Variants in HGF observed in about 807,000 individuals in gnomAD.
The protein encoded by HGF is hepatocyte growth factor.
Under a neutral mutation model 111.6 loss-of-function variants are expected in HGF, and 39 were observed. That is an observed-to-expected ratio of 0.35 (90% CI 0.27 to 0.46). The LOEUF (loss-of-function observed/expected upper bound fraction) is 0.46. Among genes scored for constraint, HGF ranks in the 20% least tolerant of loss-of-function variants. The pLI is 1.00. For missense variants in HGF, 735 were observed against 910.5 expected (o/e 0.81, Z 2.48); for synonymous variants, 285 against 294.8 (o/e 0.97, Z 0.34).
At chr7:81,722,813 C>CA (rs552915726) in intron 9 of HGF, among the ~76,000 whole-genome samples, 63,465 of 91,002 alleles carry the variant, frequency 0.7, 21,261 homozygotes, top group South Asian at 0.76. Flanking sequence ...GATTCTGTCT[C>CA]AAAAAAAAAA....
chr7:81,755,285 C>A (rs1788705665), intron 4 of HGF: 1 of 152,078 alleles, frequency 6.6e-6, no homozygotes, highest in African/African-American at 2.4e-5. Context: ...AAACATATTT[C>A]TTTTTCTATT....
intron 11 of HGF, 141 bp downstream of exon 11, chr7:81,717,091 T>C (rs1789732502): frequency 2.7e-6 from 2 of 748,884 alleles, no homozygotes; most frequent in Admixed American, 1.9e-5. Context: ...GTGTGTGTTG[T>C]GTACATTTGT....
chr7:81,766,528 A>G (rs1281514879), intron 1 of HGF, among the ~76,000 whole-genome samples: 1 of 152,200 alleles, frequency 6.6e-6, no homozygotes, highest in Non-Finnish European at 1.5e-5. Flanking sequence ...TAGAGAAGGC[A>G]ACAATATCAC....
At position 81,705,505 on chromosome 7, in the gene HGF, G is replaced by T; in HGVS notation, c.1895C>A (p.Ala632Glu). 6.2e-7 allele frequency: 1 copy of T among 1,612,454 alleles called. No homozygotes were observed. The highest frequency in any genetic ancestry group is 8.5e-7 in the Non-Finnish European group (1 of 1,178,950). The change falls in exon 17 of 18, where the codon GCA (alanine) becomes GAA (glutamate). Residue 632 changes from alanine (A) to glutamate (E), a missense_variant. Physicochemically the swap from Ala to Glu is moderately radical, Grantham distance 107. Around this residue, in one of 3 missense-constraint regions of HGF, gnomAD observed 130 missense variants for 129.9 expected, o/e 1.00. Transcript: ENST00000222390. ...CTCATTTCCCATTATATAGAGATGTGCCACTCGTAATAGGCCATCATAGTT... is the reference window on the plus strand; with the variant it reads ...CTCATTTCCCATTATATAGAGATGTTCCACTCGTAATAGGCCATCATAGTT... ...LINYDGLLRV[A>E]HLYIMGNEKC...
chr7:81,713,987 TGC>T (rs1193335672), intron 11 of HGF, among the ~76,000 whole-genome samples: 41 of 111,678 alleles, frequency 3.7e-4, no homozygotes, highest in Admixed American at 1.3e-3. Flanking sequence ...GGGGTGTGTG[TGC>T]GTGTGTGTGT....
chr7:81,751,745 G>T, intron 5 of HGF: 1 of 1,051,538 alleles, frequency 9.5e-7, no homozygotes, highest in Non-Finnish European at 1.1e-6. Context: ...GGTGCTGGTT[G>T]AATAGAATTA....
rs190774429 is a variant in HGF at position 81,709,025 on chromosome 7, C to T, written c.1541+1122G>A. 5.9e-5 allele frequency among the ~76,000 whole-genome samples: 9 copies of T among 152,254 alleles called. No homozygotes were observed. The East Asian group carries it at 1.7e-3, about 29-fold the overall frequency. On this transcript the variant is annotated intron_variant, in intron 13 of 17. Transcript: ENST00000222390. ...AGTCATATATATCAAATTATATAAA[C>T]TCTTGCTTTCCAATAATTGGTTTAT...
intron 9 of HGF, among the ~76,000 whole-genome samples, chr7:81,725,192 T>G (rs1340201599): frequency 6.6e-6 from 1 of 152,210 alleles, no homozygotes; most frequent in African/African-American, 2.4e-5. Context: ...TCCTTTCTCT[T>G]TCAGAGCAAA....
At chr7:81,760,694 T>C (rs1210907267) in intron 2 of HGF, among the ~76,000 whole-genome samples, 7 of 150,844 alleles carry the variant, frequency 4.6e-5, no homozygotes, top group African/African-American at 1.7e-4. Flanking sequence ...TGTGTGTGTG[T>C]GTGTGTGTGT....
chr7:81,705,273 T>C (rs1357584145), intron 17 of HGF, 117 bp downstream of exon 17: 6 of 973,514 alleles, frequency 6.2e-6, no homozygotes, highest in South Asian at 4.1e-5. Context: ...CAATTCCTCT[T>C]TCCTAGAATA....
chr7:81,730,419 C>T (rs952343229), intron 7 of HGF, among the ~76,000 whole-genome samples: 1 of 152,194 alleles, frequency 6.6e-6, no homozygotes, highest in African/African-American at 2.4e-5. Context: ...CGTGCCATTG[C>T]ACTCCAGCCT....
chr7:81,732,874 C>T (rs2040968), intron 7 of HGF, among the ~76,000 whole-genome samples: 114,192 of 152,026 alleles, frequency 0.75, 43,180 homozygotes, highest in Middle Eastern at 0.88. Flanking sequence ...GTCAAAGAAA[C>T]GCCTACTTGC....
chr7:81,748,741 G>T (rs1291440800), intron 5 of HGF, among the ~76,000 whole-genome samples: 1 of 152,096 alleles, frequency 6.6e-6, no homozygotes, highest in Non-Finnish European at 1.5e-5. Context: ...CAGAGTAATG[G>T]TTTCTGTTCA....
intron 11 of HGF, among the ~76,000 whole-genome samples, chr7:81,715,264 T>C (rs1789678675): frequency 6.6e-6 from 1 of 152,098 alleles, no homozygotes; most frequent in African/African-American, 2.4e-5. Flanking sequence ...CATTATATAT[T>C]CTATGAGCCT....
intron 4 of HGF, among the ~76,000 whole-genome samples, chr7:81,752,747 G>A (rs1226696817): frequency 1.3e-5 from 2 of 151,950 alleles, no homozygotes; most frequent in African/African-American, 4.8e-5. Context: ...GATTCATGAA[G>A]TAACATGAAT....
chr7:81,747,255 C>T (rs1483503343), intron 5 of HGF, among the ~76,000 whole-genome samples: 4 of 152,130 alleles, frequency 2.6e-5, no homozygotes, highest in African/African-American at 9.7e-5. Context: ...AGGAGAATGG[C>T]GTGAACCCGG....
At chr7:81,733,127 G>A (rs1366187115) in intron 7 of HGF, among the ~76,000 whole-genome samples, 2 of 151,748 alleles carry the variant, frequency 1.3e-5, no homozygotes, top group East Asian at 3.9e-4. Flanking sequence ...CTATAAACTT[G>A]AAAAGTCATT....
chr7:81,705,571 A>G lies in HGF; in HGVS notation c.1865-36T>C, dbSNP rs1325569531. The G allele has an allele frequency of 1.9e-6, 3 of 1,609,600 alleles. No individual in the cohort carries two copies. The African/African-American group carries it at 4.0e-5, about 22-fold the overall frequency. ...GCAAAAAACATACAATAAGGTGAGA[A>G]AAGTAAGAAACAAAGACAAATGTGT... On this transcript the variant is annotated intron_variant, in intron 16 of 17. Coordinates refer to ENST00000222390, the MANE Select transcript of HGF (RefSeq NM_000601.6).
intron 17 of HGF, among the ~76,000 whole-genome samples, chr7:81,704,784 A>G (rs1789378517): frequency 6.6e-6 from 1 of 151,788 alleles, no homozygotes; most frequent in Non-Finnish European, 1.5e-5. Context: ...TAACTAAACT[A>G]ACAGTTTAAC....
Sources: gnomAD v4.1 joint callset for allele counts (sites outside exome capture counted in the v4.1 genomes callset) on GRCh38, gnomAD v4.1.1 for gene constraint, gnomAD v4.1.1 regional missense constraint, MANE v1.5 for transcripts, NCBI Gene and HGNC (gene_info 2026-07-23, HGNC 2026-07-21) for gene names.